PDE4C: variants seen among roughly 807,000 people sequenced by gnomAD.
PDE4C encodes 3',5'-cyclic-AMP phosphodiesterase 4C.
In PDE4C, 50 loss-of-function variants were observed where a neutral mutation model predicts 63.9. The ratio of observed to expected loss-of-function variants is 0.78; its 90% CI spans 0.62 to 0.99. PDE4C has a LOEUF of 0.99. Ranked by LOEUF, PDE4C falls within the 50% of genes least tolerant of loss-of-function variation. The pLI, the probability that PDE4C is intolerant of heterozygous loss-of-function variation, is 0.00. For missense variants in PDE4C, 777 were observed against 899.1 expected (o/e 0.86, Z 1.74); for synonymous variants, 377 against 385.1 (o/e 0.98, Z 0.25).
chr19:18,208,383 C>G (rs1195664752), downstream of PDE4C: 2 of 152,250 alleles, frequency 1.3e-5, no homozygotes, highest in Admixed American at 1.3e-4. Context: ...CTGCCCAGTC[C>G]GCTCGGAGGC....
chr19:18,215,067 A>G (rs1968132154), intron 12 of PDE4C, among the ~76,000 whole-genome samples: 1 of 151,906 alleles, frequency 6.6e-6, no homozygotes, highest in Admixed American at 6.6e-5. Flanking sequence ...ACTTCTCCTC[A>G]AATCTCTCAT....
Position 18,216,867 on chromosome 19 carries a change from G to A in PDE4C, c.1263C>T (p.Asp421=), listed in dbSNP as rs764775885. Reference sequence around the variant, plus strand: ...GGTGATGGTTCTCCAGCACCGAGGCGTCGTTGTACATAAGCGCCAGCTCTG... The same window carrying A: ...GGTGATGGTTCTCCAGCACCGAGGCATCGTTGTACATAAGCGCCAGCTCTG... Residue 421 remains aspartate, a synonymous_variant, in exon 12 of 15, where the codon GAC becomes GAT. Coordinates refer to ENST00000262805, the Ensembl canonical transcript of PDE4C. 2.9e-5 allele frequency: 46 copies of A among 1,613,926 alleles called. 1 individual carries two copies. In the South Asian group the frequency reaches 3.0e-4, roughly 10 times the overall value.
At chr19:18,219,660 C>A (rs968480992) in intron 7 of PDE4C, 4 of 400,546 alleles carry the variant, frequency 1.0e-5, no homozygotes, top group Non-Finnish European at 8.9e-6. Context: ...CCCATCGCTA[C>A]TAAAAATACA....
At chr19:18,241,329 C>T (rs553398113) in intron 1 of PDE4C, among the ~76,000 whole-genome samples, 38 of 130,442 alleles carry the variant, frequency 2.9e-4, no homozygotes, top group Non-Finnish European at 4.0e-4. Context: ...TGCAGTGGCG[C>T]GATCTCGGCT....
chr19:18,226,682 T>G (rs1968742836), upstream of PDE4C, among the ~76,000 whole-genome samples: 1 of 150,938 alleles, frequency 6.6e-6, no homozygotes, highest in Non-Finnish European at 1.5e-5. Flanking sequence ...CCTAGCTCAT[T>G]GCAGCCTCAA....
upstream of PDE4C, chr19:18,237,185 G>A (rs1968965052): frequency 6.5e-6 from 1 of 152,812 alleles, no homozygotes; most frequent in African/African-American, 2.4e-5. Flanking sequence ...ACTCTCCTGA[G>A]TGAATTTACC....
rs4006742 is a variant in PDE4C, at chr19:18,232,374, C to CGT, written c.242+574_242+575dup. 6.7e-3 allele frequency among the ~76,000 whole-genome samples: 1,004 copies of CGT among 149,898 alleles called. 6 individuals carry two copies. Among genetic ancestry groups the CGT allele is most frequent in the East Asian group, 0.017 (85 of 5,076 alleles). On this transcript the variant is annotated intron_variant, in intron 1 of 14. Transcript: ENST00000594465. ...TGAGACTCTGTCTCAAAAATAAAAA[C>CGT]GTGTGTGTGTGTGTGTGTGTGTGTG...
At chr19:18,248,615 C>T (rs925115237), upstream of PDE4C, among the ~76,000 whole-genome samples, 14 of 152,040 alleles carry the variant, frequency 9.2e-5, no homozygotes, top group African/African-American at 2.9e-4. Context: ...ATTTTATCAA[C>T]TCAGGGTCTA....
chr19:18,250,420 C>T (rs1031905728), upstream of PDE4C: 10 of 398,990 alleles, frequency 2.5e-5, no homozygotes, highest in Non-Finnish European at 4.0e-5. Flanking sequence ...AACACACGAC[C>T]ACCACCACAC....
intron 1 of PDE4C, among the ~76,000 whole-genome samples, chr19:18,240,996 C>G (rs1214910066): frequency 3.9e-5 from 6 of 152,108 alleles, no homozygotes; most frequent in African/African-American, 1.2e-4. Context: ...ACGCTCAGAT[C>G]TCATCCTTCT....
rs1254153021 is a variant in PDE4C at position 18,220,060 on chromosome 19, TG to T, written c.706+165del. The T allele has an allele frequency of 2.0e-5, 13 of 660,444 alleles. No individual in the cohort carries two copies. The highest frequency in any genetic ancestry group is 3.5e-5 in the Non-Finnish European group (13 of 368,370). 40.9% of individuals were successfully genotyped at this position (660,444 alleles called of 1,614,324 possible). A position where few individuals can be genotyped will look rare whatever the true frequency, so the allele number is the denominator to read the frequency against. On this transcript the variant is annotated intron_variant, in intron 7 of 14. Coordinates refer to ENST00000262805, the Ensembl canonical transcript of PDE4C. This position sits in a 1 kb window ranked among gnomAD's most constrained non-coding sequence, Gnocchi z 5.1. ...CCGTAGCTTTAATGTCCCCTGCTCCTGGAAGTTCCCCTTGTTCCTCCCTCTG... is the reference window on the plus strand; with the variant it reads ...CCGTAGCTTTAATGTCCCCTGCTCCTGAAGTTCCCCTTGTTCCTCCCTCTG...
Position 18,220,767 on chromosome 19 carries a change from G to T in PDE4C, c.499+107C>A, listed in dbSNP as rs373326683. On this transcript the variant is annotated intron_variant, in intron 5 of 14. Coordinates refer to ENST00000262805, the Ensembl canonical transcript of PDE4C. The surrounding 1 kb of genome is among the most constrained non-coding windows in gnomAD (Gnocchi z 5.1). Reference sequence around the variant, plus strand: ...GGGCGTTATTGTTTTTGCAGGGGCGGGGCTACAATTAGCCCCAGTATAAGG... The same window carrying T: ...GGGCGTTATTGTTTTTGCAGGGGCGTGGCTACAATTAGCCCCAGTATAAGG... 1 of 1,118,086 alleles carries T rather than the reference G, an allele frequency of 8.9e-7. No individual in the cohort carries two copies. The highest frequency in any genetic ancestry group is 1.5e-5 in the African/African-American group (1 of 65,324). The allele number at this position is 1,118,086 out of a possible 1,614,324, so 69.3% of individuals were successfully genotyped here. A position where few individuals can be genotyped will look rare whatever the true frequency, so the allele number is the denominator to read the frequency against.
chr19:18,224,128 C>T (rs545189114), intron 1 of PDE4C: 2 of 870,880 alleles, frequency 2.3e-6, no homozygotes, highest in South Asian at 1.1e-4. Context: ...ACTACCTGTC[C>T]CGTTCTACCC....
intron 1 of PDE4C, among the ~76,000 whole-genome samples, chr19:18,238,793 C>A (rs1288267488): frequency 6.6e-6 from 1 of 151,840 alleles, no homozygotes; most frequent in Non-Finnish European, 1.5e-5. Flanking sequence ...GAATTCGACA[C>A]CAGCCTGGCC....
chr19:18,228,594 A>G (rs951574875), upstream of PDE4C, among the ~76,000 whole-genome samples: 1 of 152,234 alleles, frequency 6.6e-6, no homozygotes, highest in African/African-American at 2.4e-5. Context: ...CGAGTCTCAC[A>G]TTAATATTTT....
chr19:18,250,474 T>A (rs1969218350), upstream of PDE4C: 4 of 399,094 alleles, frequency 1.0e-5, no homozygotes, highest in Admixed American at 4.4e-5. Flanking sequence ...CACCTGGAGC[T>A]GGGGAAAGGA....
intron 9 of PDE4C, 24 bp from the exon 10 acceptor site, chr19:18,218,522 C>T (rs1968312527): frequency 1.2e-6 from 2 of 1,613,586 alleles, no homozygotes; most frequent in Non-Finnish European, 1.7e-6. Context: ...GACCCTGGCT[C>T]AGGGCCTTGG....
upstream of PDE4C, among the ~76,000 whole-genome samples, chr19:18,249,542 T>A (rs1292892445): frequency 6.6e-6 from 1 of 151,564 alleles, no homozygotes. Context: ...TCCAAAGTGC[T>A]GGGATTACAG....
At chr19:18,250,343 G>A (rs565950935), upstream of PDE4C, 71 of 399,080 alleles carry the variant, frequency 1.8e-4, no homozygotes, top group Admixed American at 2.4e-3. Context: ...CTCAAACTTG[G>A]ACTCATTCCG....
Sources: gnomAD v4.1 joint callset for allele counts (sites outside exome capture counted in the v4.1 genomes callset) on GRCh38, gnomAD v4.1.1 for gene constraint, Gnocchi (gnomAD v3.1) non-coding constraint, MANE v1.5 for transcripts, NCBI Gene and HGNC (gene_info 2026-07-23, HGNC 2026-07-21) for gene names.